Variants in CSTL1 observed in about 807,000 individuals in gnomAD.
The protein encoded by CSTL1 is cystatin-like 1.
In CSTL1, 14 loss-of-function variants were observed where a neutral mutation model predicts 14.4. The ratio of observed to expected loss-of-function variants is 0.97; its 90% CI spans 0.64 to 1.52. The LOEUF (loss-of-function observed/expected upper bound fraction) is 1.52. CSTL1 is among the 40% of genes most tolerant of loss of function. CSTL1 has a pLI of 0.00. For missense variants in CSTL1, 170 were observed against 168.7 expected (o/e 1.01, Z -0.04); for synonymous variants, 72 against 67.5 (o/e 1.07, Z -0.33).
the CSTL1 span, chr20:23,451,893 T>G: frequency 1.9e-6 from 3 of 1,613,942 alleles, no homozygotes; most frequent in African/African-American, 4.0e-5. Context: ...ATTTCCACAT[T>G]CAGGTGATAC....
At chr20:23,451,534 G>A in the CSTL1 span, among the ~76,000 whole-genome samples, 50 of 152,168 alleles carry the variant, frequency 3.3e-4, no homozygotes, top group Admixed American at 3.3e-4. Flanking sequence ...ATTAGGAATT[G>A]TCTGCTTCCC....
intron 2 of CSTL1, 109 bp from the exon 3 acceptor site, chr20:23,443,825 A>G: frequency 1.3e-6 from 1 of 755,430 alleles, no homozygotes; most frequent in South Asian, 1.8e-5. Context: ...AGCTCCGCGA[A>G]CAAGAACTGT....
chr20:23,454,749 G>A, the CSTL1 span, among the ~76,000 whole-genome samples: 5 of 152,184 alleles, frequency 3.3e-5, no homozygotes, highest in African/African-American at 7.2e-5. Context: ...CTCCCTGAGC[G>A]GCTGTAAGTG....
chr20:23,458,984 C>G, the CSTL1 span: 1 of 152,340 alleles, frequency 6.6e-6, no homozygotes, highest in Non-Finnish European at 1.5e-5. Context: ...TTCAAAGTCT[C>G]CAGCATACGT....
chr20:23,457,962 C>T, the CSTL1 span, among the ~76,000 whole-genome samples: 1 of 152,170 alleles, frequency 6.6e-6, no homozygotes, highest in Non-Finnish European at 1.5e-5. Flanking sequence ...CCAGAGTCAG[C>T]CACCAAGTCC....
At chr20:23,455,519 G>A in the CSTL1 span, among the ~76,000 whole-genome samples, 5 of 152,234 alleles carry the variant, frequency 3.3e-5, no homozygotes, top group African/African-American at 1.2e-4. Flanking sequence ...ACGTGGTGGG[G>A]CAGGGTGGTG....
chr20:23,458,203 A>G, the CSTL1 span, among the ~76,000 whole-genome samples: 1 of 152,218 alleles, frequency 6.6e-6, no homozygotes, highest in African/African-American at 2.4e-5. Context: ...TCCAGCTGTC[A>G]GAAAGACTTC....
At chr20:23,444,669 G>T (rs1277739406) in intron 3 of CSTL1, 102 bp from the exon 4 acceptor site, 2 of 721,208 alleles carry the variant, frequency 2.8e-6, no homozygotes, top group East Asian at 2.6e-5. Context: ...TCTGCCCATG[G>T]GGTTCATGAG....
chr20:23,457,375 A>G, the CSTL1 span, among the ~76,000 whole-genome samples: 3 of 152,116 alleles, frequency 2.0e-5, no homozygotes, highest in African/African-American at 4.8e-5. Context: ...TGGCTTCTGT[A>G]TCCGCTATGA....
At chr20:23,450,020 T>C in the CSTL1 span, among the ~76,000 whole-genome samples, 3 of 152,168 alleles carry the variant, frequency 2.0e-5, no homozygotes. Context: ...CTTGTCTTTC[T>C]TAGTTCTTTG....
At chr20:23,452,547 A>G in the CSTL1 span, 4 of 1,260,818 alleles carry the variant, frequency 3.2e-6, no homozygotes, top group Non-Finnish European at 4.7e-6. Context: ...ATGTGGGCGT[A>G]TCAGGCCTGG....
the CSTL1 span, chr20:23,459,053 CCT>C: frequency 6.6e-6 from 1 of 152,278 alleles, no homozygotes; most frequent in Admixed American, 6.5e-5. Context: ...TCCTTCTCTT[CCT>C]TTTGTTAACA....
the CSTL1 span, chr20:23,451,673 C>A: frequency 1.7e-6 from 1 of 577,042 alleles, no homozygotes; most frequent in South Asian, 2.1e-5. Context: ...CTTTCCCTCT[C>A]TGAGGAAGGA....
the CSTL1 span, among the ~76,000 whole-genome samples, chr20:23,460,555 C>A: frequency 6.6e-6 from 1 of 152,130 alleles, no homozygotes; most frequent in Non-Finnish European, 1.5e-5. Context: ...AAGTCTCAAT[C>A]ATTTTTGGAG....
At chr20:23,459,883 C>T in the CSTL1 span, among the ~76,000 whole-genome samples, 1 of 152,198 alleles carries the variant, frequency 6.6e-6, no homozygotes, top group Non-Finnish European at 1.5e-5. Flanking sequence ...ATATCCTGAC[C>T]ATTCCTGCAC....
At chr20:23,445,949 C>T (rs1406854367), downstream of CSTL1, among the ~76,000 whole-genome samples, 1 of 152,176 alleles carries the variant, frequency 6.6e-6, no homozygotes, top group Non-Finnish European at 1.5e-5. Flanking sequence ...TCACACAGAG[C>T]ACGCTCAATT....
At chr20:23,453,204 G>A in the CSTL1 span, among the ~76,000 whole-genome samples, 1 of 151,758 alleles carries the variant, frequency 6.6e-6, no homozygotes, top group Non-Finnish European at 1.5e-5. Context: ...CGCATTCATA[G>A]GTGAGCAGTG....
intron 3 of CSTL1, 109 bp from the exon 4 acceptor site, chr20:23,444,662 G>A: frequency 1.4e-6 from 1 of 697,030 alleles, no homozygotes; most frequent in Non-Finnish European, 2.6e-6. Context: ...TCCCCTCTCT[G>A]CCCATGGGGT....
the CSTL1 span, among the ~76,000 whole-genome samples, chr20:23,455,638 A>G: frequency 6.6e-6 from 1 of 152,182 alleles, no homozygotes; most frequent in Non-Finnish European, 1.5e-5. Flanking sequence ...CTCCGACCTC[A>G]GTGGGCAGCC....
Sources: allele counts gnomAD v4.1 joint callset (sites outside exome capture counted in the v4.1 genomes callset), GRCh38; gene constraint gnomAD v4.1.1; transcripts MANE v1.5; gene names NCBI Gene and HGNC (gene_info 2026-07-23, HGNC 2026-07-21).